The following RFTN1 variants were observed in gnomAD, a reference collection of about 807,000 sequenced individuals.
The protein encoded by RFTN1 is raftlin.
Under a neutral mutation model 46.5 loss-of-function variants are expected in RFTN1, and 26 were observed. That is an observed-to-expected ratio of 0.56 (90% confidence interval 0.41 to 0.78). The LOEUF is 0.78. Among genes scored for constraint, RFTN1 ranks in the 30% least tolerant of loss-of-function variants. RFTN1 has a pLI of 0.00. For synonymous variants in RFTN1, 261 were observed against 284.2 expected (o/e 0.92, Z 0.82); for missense variants, 693 against 718.7 (o/e 0.96, Z 0.41).
chr3:16,331,121 T>C (rs1370712577), intron 7 of RFTN1, among the ~76,000 whole-genome samples: 1 of 152,222 alleles, frequency 6.6e-6, no homozygotes, highest in Admixed American at 6.5e-5. Context: ...CTGGGGACAG[T>C]TTGCCTCTAT....
Position 16,346,230 on chromosome 3 carries a change from T to C in RFTN1, c.1146+11702A>G, listed in dbSNP as rs1479582604. Reference sequence around the variant, plus strand: ...TTGACTAAATGGAATCAATCCTTCCTGCCTGAATTTCATCCATTCATCATG... The same window carrying C: ...TTGACTAAATGGAATCAATCCTTCCCGCCTGAATTTCATCCATTCATCATG... On this transcript the variant is annotated intron_variant, in intron 7 of 9. Coordinates refer to ENST00000334133, the MANE Select transcript of RFTN1 (RefSeq NM_015150.2). The surrounding 1 kb of genome is among the most constrained non-coding windows in gnomAD (Gnocchi z 4.4). The C allele has an allele frequency of 6.6e-6, 1 of 152,232 alleles. No individual in the cohort carries two copies. The highest frequency in any genetic ancestry group is 1.5e-5 in the Non-Finnish European group (1 of 68,036). The allele number at this position is 152,232 out of a possible 1,614,324, so 9.4% of individuals were successfully genotyped here.
In RFTN1 at chr3:16,410,060, A is replaced by G. The variant is rs1262022287; in HGVS notation, c.333-577T>C. Among the ~76,000 whole-genome samples, 2 of 151,942 alleles carry G rather than the reference A, an allele frequency of 1.3e-5. No homozygotes were observed. Among genetic ancestry groups the G allele is most frequent in the Non-Finnish European group, 2.9e-5 (2 of 67,982 alleles). On this transcript the variant is annotated intron_variant, in intron 3 of 9. Transcript: ENST00000334133. This position sits in a 1 kb window ranked among gnomAD's most constrained non-coding sequence, Gnocchi z 4.6. Reference sequence around the variant, plus strand: ...AAGCCCCAGATTCTTTCCCGAAAGTAACGTCAAAAAGGCACTGATGAAAAA... The same window carrying G: ...AAGCCCCAGATTCTTTCCCGAAAGTGACGTCAAAAAGGCACTGATGAAAAA...
rs78457092 is a variant in RFTN1 at position 16,341,631 on chromosome 3, A to T, written c.1147-14755T>A. ...TCTAAAATATAAAGTTTATTTTTCT[A>T]AAAAAAAGTAAGGACCTTGAATCAA... On this transcript the variant is annotated intron_variant, in intron 7 of 9. Coordinates refer to ENST00000334133, the MANE Select transcript of RFTN1 (RefSeq NM_015150.2). This position sits in a 1 kb window ranked among gnomAD's most constrained non-coding sequence, Gnocchi z 4.7. Among the ~76,000 whole-genome samples, 567 of 152,114 alleles carry T rather than the reference A, an allele frequency of 3.7e-3. 10 individuals carry two copies. In the East Asian group the frequency reaches 0.056, roughly 15 times the overall value.
chr3:16,501,310 C>T (rs2076707024), intron 1 of RFTN1, among the ~76,000 whole-genome samples: 1 of 152,094 alleles, frequency 6.6e-6, no homozygotes, highest in South Asian at 2.1e-4. Context: ...TCCCACGATG[C>T]CCATAAAAAG....
Sources: gnomAD v4.1 joint callset for allele counts (sites outside exome capture counted in the v4.1 genomes callset) on GRCh38, gnomAD v4.1.1 for gene constraint, Gnocchi (gnomAD v3.1) non-coding constraint, MANE v1.5 for transcripts, NCBI Gene and HGNC (gene_info 2026-07-23, HGNC 2026-07-21) for gene names.